The following CENPS variants were observed in gnomAD, a reference collection of about 807,000 sequenced individuals.
CENPS encodes centromere protein S.
Under a neutral mutation model 17.9 loss-of-function variants are expected in CENPS, and 16 were observed. The ratio of observed to expected loss-of-function variants is 0.90; its 90% CI spans 0.61 to 1.36. The LOEUF (loss-of-function observed/expected upper bound fraction) is 1.36. CENPS is among the 40% of genes most tolerant of loss of function. The pLI is 0.00. For missense variants in CENPS, 160 were observed against 158.6 expected, an observed-to-expected ratio of 1.01 and a Z score of -0.05; for synonymous variants, 49 against 55.8, an observed-to-expected ratio of 0.88 and a Z score of 0.54.
In CENPS at chr1:10,442,460, G is replaced by T. The variant is rs1338484010; in HGVS notation, c.*55G>T. 2 of 1,460,790 alleles carry T rather than the reference G, an allele frequency of 1.4e-6. No homozygotes were observed. The highest frequency in any genetic ancestry group is 1.8e-6 in the Non-Finnish European group (2 of 1,110,030). 90.5% of individuals were successfully genotyped at this position (1,460,790 alleles called of 1,614,324 possible). ...TCTACAGGTAGAGCCACCTAGAAAT[G>T]CATATGGCTGCAAAGGAAACTTTGA... On this transcript the variant is annotated 3_prime_UTR_variant, in exon 5 of 5. Transcript: ENST00000309048.
intron 1 of CENPS, among the ~76,000 whole-genome samples, chr1:10,431,987 T>G (rs1275065960): frequency 6.6e-6 from 1 of 152,076 alleles, no homozygotes; most frequent in Non-Finnish European, 1.5e-5. Flanking sequence ...GTCCTAAAGA[T>G]GTTTCTTTTA....
chr1:10,438,478 C>G (rs1376034557), intron 3 of CENPS, among the ~76,000 whole-genome samples: 1 of 152,132 alleles, frequency 6.6e-6, no homozygotes, highest in African/African-American at 2.4e-5. Context: ...GCTTTGAAAT[C>G]TCTAGTCTCC....
intron 3 of CENPS, 112 bp downstream of exon 3, chr1:10,434,802 G>T (rs1052230367): frequency 1.4e-6 from 2 of 1,387,594 alleles, no homozygotes; most frequent in African/African-American, 1.5e-5. Flanking sequence ...CGTGTGTTTT[G>T]TGGAGGCTTG....
rs1310885819 is a variant in CENPS at position 10,442,747 on chromosome 1, T to G, written c.*342T>G. 3 of 189,432 alleles carry G rather than the reference T, an allele frequency of 1.6e-5. No individual in the cohort carries two copies. Among genetic ancestry groups the G allele is most frequent in the Non-Finnish European group, 3.2e-5 (3 of 94,112 alleles). The allele number at this position is 189,432 out of a possible 1,614,324, so 11.7% of individuals were successfully genotyped here. A position where few individuals can be genotyped will look rare whatever the true frequency, so the allele number is the denominator to read the frequency against. Reference sequence around the variant, plus strand: ...TTTCAAGCAAAAATCAGTTCATCTTTTGATGTAATTTTCTAGGCTAAATGG... The same window carrying G: ...TTTCAAGCAAAAATCAGTTCATCTTGTGATGTAATTTTCTAGGCTAAATGG... On this transcript the variant is annotated 3_prime_UTR_variant, in exon 5 of 5. Transcript: ENST00000309048.
chr1:10,440,487 A>G, intron 4 of CENPS, 74 bp downstream of exon 4: 1 of 1,576,952 alleles, frequency 6.3e-7, no homozygotes, highest in Non-Finnish European at 8.6e-7. Flanking sequence ...ACTTGAAGCC[A>G]TGAAGTTATT....
chr1:10,430,678 G>GC (rs956866871), intron 1 of CENPS, 110 bp downstream of exon 1: 75 of 1,430,404 alleles, frequency 5.2e-5, no homozygotes, highest in African/African-American at 3.0e-4. Flanking sequence ...CCGCCCCCGG[G>GC]CGCCCCCCGC....
At chr1:10,430,651 G>C in intron 1 of CENPS, 83 bp downstream of exon 1, 4 of 1,477,096 alleles carry the variant, frequency 2.7e-6, no homozygotes, top group Non-Finnish European at 3.6e-6. Flanking sequence ...AGCCCCCGGC[G>C]GCTTCTCATC....
intron 3 of CENPS, among the ~76,000 whole-genome samples, chr1:10,436,812 G>C (rs1640186100): frequency 1.3e-5 from 2 of 152,046 alleles, no homozygotes; most frequent in Non-Finnish European, 2.9e-5. Flanking sequence ...AGGAGTCTGG[G>C]GTGCAGCCAG....
intron 1 of CENPS, chr1:10,431,219 T>G: frequency 6.6e-7 from 1 of 1,524,182 alleles, no homozygotes; most frequent in Non-Finnish European, 8.8e-7. Flanking sequence ...CTGAGAACGT[T>G]GCCGTGAAGA....
At chr1:10,438,520 A>G (rs1212442644) in intron 3 of CENPS, among the ~76,000 whole-genome samples, 1 of 152,230 alleles carries the variant, frequency 6.6e-6, no homozygotes, top group Admixed American at 6.5e-5. Context: ...ATTTTGAAGA[A>G]GATAGATATT....
chr1:10,438,867 T>C (rs1640289734), intron 3 of CENPS, among the ~76,000 whole-genome samples: 1 of 152,212 alleles, frequency 6.6e-6, no homozygotes, highest in South Asian at 2.1e-4. Flanking sequence ...AGAATGTAAA[T>C]ACAGACAGAG....
chr1:10,431,007 C>A, intron 1 of CENPS: 2 of 1,292,152 alleles, frequency 1.5e-6, no homozygotes, highest in Non-Finnish European at 2.0e-6. Flanking sequence ...GATGCAGGGA[C>A]GCGGTGCGGA....
At chr1:10,430,819 C>T (rs1639874729) in intron 1 of CENPS, 4 of 1,348,366 alleles carry the variant, frequency 3.0e-6, no homozygotes, top group East Asian at 6.1e-5. Flanking sequence ...CGCCGGGGTC[C>T]GGCGGCGAGA....
At chr1:10,440,125 G>T (rs1358189605) in intron 3 of CENPS, 2 of 586,790 alleles carry the variant, frequency 3.4e-6, no homozygotes, top group Non-Finnish European at 5.8e-6. Flanking sequence ...GCCCTAAGCG[G>T]AGGTGGAGAG....
At chr1:10,431,212 AG>A (rs1183577375) in intron 1 of CENPS, 1 of 1,519,566 alleles carries the variant, frequency 6.6e-7, no homozygotes, top group African/African-American at 1.4e-5. Context: ...TCAGAGGCTG[AG>A]AACGTTGCCG....
chr1:10,435,732 C>CACACACACAA (rs1200792799), intron 3 of CENPS, among the ~76,000 whole-genome samples: 6 of 151,290 alleles, frequency 4.0e-5, no homozygotes, highest in Non-Finnish European at 8.8e-5. Flanking sequence ...CACACACACA[C>CACACACACAA]ACACATATAC....
At chr1:10,430,808 G>A in intron 1 of CENPS, 2 of 1,352,560 alleles carry the variant, frequency 1.5e-6, no homozygotes, top group Non-Finnish European at 1.9e-6. Context: ...GAGCGTGCGG[G>A]CGCCGGGGTC....
Position 10,442,507 on chromosome 1 carries a change from A to G in CENPS, c.*102A>G. The G allele has an allele frequency of 4.4e-6, 6 of 1,357,748 alleles. No homozygotes were observed. The highest frequency in any genetic ancestry group is 5.7e-6 in the Non-Finnish European group (6 of 1,052,800). 84.1% of individuals were successfully genotyped at this position (1,357,748 alleles called of 1,614,324 possible). ...TTGAAGGGTTAAATAGAGATTTAAA[A>G]AAATAAAATAAAAAGGCTGGGCTAG... On this transcript the variant is annotated 3_prime_UTR_variant, in exon 5 of 5. Transcript: ENST00000309048.
At chr1:10,436,283 GTTGA>G (rs1434164486) in intron 3 of CENPS, among the ~76,000 whole-genome samples, 1 of 151,688 alleles carries the variant, frequency 6.6e-6, no homozygotes. Flanking sequence ...CCGGCAAACA[GTTGA>G]TTTTCTTTTG....
Sources: gnomAD v4.1 joint callset for allele counts (sites outside exome capture counted in the v4.1 genomes callset) on GRCh38, gnomAD v4.1.1 for gene constraint, MANE v1.5 for transcripts, NCBI Gene and HGNC (gene_info 2026-07-23, HGNC 2026-07-21) for gene names.